Variants in SDK2 observed in about 807,000 individuals in gnomAD.
The protein encoded by SDK2 is protein sidekick-2.
Under a neutral mutation model 253.9 loss-of-function variants are expected in SDK2, and 105 were observed. The ratio of observed to expected loss-of-function variants is 0.41; its 90% CI spans 0.35 to 0.49. The LOEUF (loss-of-function observed/expected upper bound fraction) is 0.49, where lower values mean the gene tolerates loss of function less well. Among genes scored for constraint, SDK2 ranks in the 20% least tolerant of loss-of-function variants. The pLI, the probability that SDK2 is intolerant of heterozygous loss-of-function variation, is 0.06. For synonymous variants in SDK2, 1,249 were observed against 1,234.9 expected (o/e 1.01, Z -0.24); for missense variants, 2,608 against 3,003.0 (o/e 0.87, Z 3.07).
intron 1 of SDK2, among the ~76,000 whole-genome samples, chr17:73,602,823 T>A (rs2045859451): frequency 6.6e-6 from 1 of 152,032 alleles, no homozygotes. Context: ...ACCTCCCAGG[T>A]CCAAGTGATT....
chr17:73,634,487 T>C (rs539011153), intron 1 of SDK2, among the ~76,000 whole-genome samples: 6 of 152,230 alleles, frequency 3.9e-5, no homozygotes, highest in Non-Finnish European at 7.3e-5. Flanking sequence ...GCTACCCACA[T>C]ACATTTGAGA....
At chr17:73,605,653 CCCTGTCACT>C (rs1201278501) in intron 1 of SDK2, among the ~76,000 whole-genome samples, 1 of 152,156 alleles carries the variant, frequency 6.6e-6, no homozygotes, top group Non-Finnish European at 1.5e-5. Flanking sequence ...TGGATGAGTT[CCCTGTCACT>C]CCTCCAAATT....
At chr17:73,365,430 T>C (rs777517177) in intron 37 of SDK2, 35 bp from the exon 38 acceptor site, 10 of 1,563,520 alleles carry the variant, frequency 6.4e-6, no homozygotes, top group East Asian at 2.3e-5. Context: ...TGTTTCCTTC[T>C]TCTGTGGAAG....
chr17:73,640,257 GGT>G (rs1254118461), intron 1 of SDK2, among the ~76,000 whole-genome samples: 1 of 151,242 alleles, frequency 6.6e-6, no homozygotes, highest in Non-Finnish European at 1.5e-5. Flanking sequence ...GCGGGGGTGG[GGT>G]GTGTGTGTGG....
intron 36 of SDK2, among the ~76,000 whole-genome samples, chr17:73,373,493 T>G (rs1365102623): frequency 2.0e-5 from 3 of 152,116 alleles, no homozygotes; most frequent in Admixed American, 2.0e-4. Flanking sequence ...CGTGCAAAGG[T>G]TCCCTTTTCC....
chr17:73,542,777 A>C (rs1316414321), intron 1 of SDK2, among the ~76,000 whole-genome samples: 1 of 152,058 alleles, frequency 6.6e-6, no homozygotes, highest in Non-Finnish European at 1.5e-5. Context: ...AACAGGCCTG[A>C]AATTCATGCC....
intron 2 of SDK2, 114 bp downstream of exon 2, chr17:73,507,324 C>A: frequency 8.6e-7 from 1 of 1,167,000 alleles, no homozygotes; most frequent in Non-Finnish European, 1.2e-6. Context: ...GAACTCCAGG[C>A]TCTAGGAGCC....
At chr17:73,588,488 T>G (rs1236166454) in intron 1 of SDK2, among the ~76,000 whole-genome samples, 2 of 151,694 alleles carry the variant, frequency 1.3e-5, no homozygotes, top group Non-Finnish European at 2.9e-5. Flanking sequence ...TGGCAGTTTG[T>G]GACTGAGCAA....
intron 38 of SDK2, among the ~76,000 whole-genome samples, chr17:73,364,424 G>A (rs150230608): frequency 1.3e-5 from 2 of 152,196 alleles, no homozygotes; most frequent in African/African-American, 4.8e-5. Flanking sequence ...GATAGCAGTG[G>A]GGGGTGCAGG....
rs74547589 is a variant in SDK2, at chr17:73,513,317, G to A, written c.65-5720C>T. Among the ~76,000 whole-genome samples the A allele has an allele frequency of 5.8e-3, 877 of 152,264 alleles. 12 individuals are homozygous for A. The highest frequency in any genetic ancestry group is 0.02 in the African/African-American group (832 of 41,558). ...AAAATGGGCAAAGGATATGAAGTTCGCAGAAGAGAATTACAAATGCCCCTG... is the reference window on the plus strand; with the variant it reads ...AAAATGGGCAAAGGATATGAAGTTCACAGAAGAGAATTACAAATGCCCCTG... On this transcript the variant is annotated intron_variant, in intron 1 of 44. Transcript: ENST00000392650.
At position 73,435,269 on chromosome 17, in the gene SDK2, C is replaced by T. The variant is rs1056703130; in HGVS notation, c.1195+181G>A. Among the ~76,000 whole-genome samples, 6 of 152,230 alleles carry T rather than the reference C, an allele frequency of 3.9e-5. No individual in the cohort carries two copies. The highest frequency in any genetic ancestry group is 7.2e-5 in the African/African-American group (3 of 41,464). ...TTCCTCCAGGGCTCTGGACTCAGGG[C>T]TGCAGAGGCAGCAGCGGTAACTGGC... On this transcript the variant is annotated intron_variant, in intron 9 of 44. Coordinates refer to ENST00000392650, the MANE Select transcript of SDK2 (RefSeq NM_001144952.2). The surrounding 1 kb of genome is among the most constrained non-coding windows in gnomAD (Gnocchi z 5.7).
intron 36 of SDK2, among the ~76,000 whole-genome samples, chr17:73,378,834 T>G (rs998854305): frequency 6.6e-6 from 1 of 150,610 alleles, no homozygotes; most frequent in African/African-American, 2.5e-5. Context: ...TTGGAGGGTC[T>G]TAAGTTATGT....
rs2062963009 is a variant in SDK2, at chr17:73,395,387, G to A, written c.3360C>T (p.Leu1120=). 1 of 1,613,668 alleles carries A rather than the reference G, an allele frequency of 6.2e-7. No homozygotes were observed. Among genetic ancestry groups the A allele is most frequent in the South Asian group, 1.1e-5 (1 of 91,066 alleles). The part of the protein sequence containing the change: ...ETSLWLRWMP[L]PEMEYNGNPE... ...GGTTCCCATTGTATTCCATCTCCGGGAGAGGCTGCAGCGGGGCAGGGGTGG... is the reference window on the plus strand; with the variant it reads ...GGTTCCCATTGTATTCCATCTCCGGAAGAGGCTGCAGCGGGGCAGGGGTGG... The change falls in exon 25 of 45, where the codon CTC becomes CTT. Residue 1120 remains leucine (L), a synonymous_variant. Coordinates refer to ENST00000392650, the MANE Select transcript of SDK2 (RefSeq NM_001144952.2). This position sits in a 1 kb window ranked among gnomAD's most constrained non-coding sequence, Gnocchi z 4.3.
Position 73,393,550 on chromosome 17 carries a change from A to G in SDK2, c.3898+10T>C, listed in dbSNP as rs1202036836. Reference sequence around the variant, plus strand: ...CAGCCTTCCCCAAGCTTGCTGGGATACGGACTCACCATCATCCAGCGTCCG... The same window carrying G: ...CAGCCTTCCCCAAGCTTGCTGGGATGCGGACTCACCATCATCCAGCGTCCG... On this transcript the variant is annotated intron_variant, in intron 27 of 44. Coordinates refer to ENST00000392650, the MANE Select transcript of SDK2 (RefSeq NM_001144952.2). 6.5e-7 allele frequency: 1 copy of G among 1,540,022 alleles called. No individual in the cohort carries two copies. The highest frequency in any genetic ancestry group is 1.4e-5 in the African/African-American group (1 of 73,516).
intron 1 of SDK2, among the ~76,000 whole-genome samples, chr17:73,543,040 G>A (rs1020797958): frequency 6.6e-6 from 1 of 152,160 alleles, no homozygotes; most frequent in East Asian, 1.9e-4. Context: ...CCCCTCCAGG[G>A]CGCAGTTTCC....
chr17:73,628,530 G>A lies in SDK2; in HGVS notation c.64+15495C>T, dbSNP rs56373607. 4.2e-3 allele frequency among the ~76,000 whole-genome samples: 639 copies of A among 152,302 alleles called. 1 individual carries two copies. Among genetic ancestry groups the A allele is most frequent in the Non-Finnish European group, 6.2e-3 (425 of 68,028 alleles). On this transcript the variant is annotated intron_variant, in intron 1 of 44. Transcript: ENST00000392650. ...GGGGAACCCCAAAAGCTCCTGATCC[G>A]GGAGCTGACCTGCAGGTTCCCCTAA...
chr17:73,367,100 T>A (rs1213745242), intron 37 of SDK2, among the ~76,000 whole-genome samples: 1 of 151,870 alleles, frequency 6.6e-6, no homozygotes, highest in African/African-American at 2.4e-5. Context: ...ACCTCCCAGG[T>A]TCAAGCGATT....
intron 1 of SDK2, among the ~76,000 whole-genome samples, chr17:73,608,000 C>G (rs989456159): frequency 3.9e-5 from 6 of 152,106 alleles, no homozygotes; most frequent in Admixed American, 1.3e-4. Context: ...TTTGTCACAA[C>G]CAAGGAAAGA....
chr17:73,343,143 C>G (rs1054484909), intron 44 of SDK2, among the ~76,000 whole-genome samples: 3 of 152,228 alleles, frequency 2.0e-5, no homozygotes, highest in African/African-American at 2.4e-5. Context: ...CCAAAGCCCA[C>G]TCATCTAGAC....
Sources: allele counts gnomAD v4.1 joint callset (sites outside exome capture counted in the v4.1 genomes callset), GRCh38; gene constraint gnomAD v4.1.1; non-coding constraint Gnocchi (gnomAD v3.1); transcripts MANE v1.5; gene names NCBI Gene and HGNC (gene_info 2026-07-23, HGNC 2026-07-21).